TRAPPC9: variants seen among roughly 807,000 people sequenced by gnomAD.
TRAPPC9 encodes IKK2 binding protein.
In TRAPPC9, 83 loss-of-function variants were observed where a neutral mutation model predicts 124.0. The ratio of observed to expected loss-of-function variants is 0.67; its 90% CI spans 0.56 to 0.80. The LOEUF (loss-of-function observed/expected upper bound fraction) is 0.80, where lower values mean the gene tolerates loss of function less well. Ranked by LOEUF, TRAPPC9 falls within the 30% of genes least tolerant of loss-of-function variation. The probability of loss-of-function intolerance (pLI) is 0.00; values close to 1 mark genes in which losing one functional copy is unlikely to be tolerated. For missense variants in TRAPPC9, 1,302 were observed against 1,508.3 expected, an observed-to-expected ratio of 0.86 and a Z score of 2.27; for synonymous variants, 638 against 617.5, an observed-to-expected ratio of 1.03 and a Z score of -0.49.
At chr8:140,069,641 G>T (rs1373007505) in intron 17 of TRAPPC9, among the ~76,000 whole-genome samples, 1 of 152,134 alleles carries the variant, frequency 6.6e-6, no homozygotes, top group Non-Finnish European at 1.5e-5. Flanking sequence ...AATGTTTCCT[G>T]CTGATGGGTG....
At chr8:140,153,039 G>A (rs1013018308) in intron 17 of TRAPPC9, among the ~76,000 whole-genome samples, 3 of 152,068 alleles carry the variant, frequency 2.0e-5, no homozygotes, top group African/African-American at 7.2e-5. Context: ...TCCATTTAAG[G>A]AATTTCACCT....
chr8:139,792,415 C>T lies in TRAPPC9; in HGVS notation c.3056-60213G>A, dbSNP rs190204577. 3.9e-5 allele frequency among the ~76,000 whole-genome samples: 6 copies of T among 152,316 alleles called. No homozygotes were observed. The South Asian group carries it at 6.2e-4, about 16-fold the overall frequency. ...TCTGTGTGTGCCACACGCGTGTGCG[C>T]GTGTGTGCGTGGGCCTGGCTGCGTG... is the stretch of plus-strand genomic sequence containing the variant. On this transcript the variant is annotated intron_variant, in intron 21 of 22. Transcript: ENST00000438773.
intron 21 of TRAPPC9, among the ~76,000 whole-genome samples, chr8:139,777,399 G>A (rs190666029): frequency 1.2e-4 from 19 of 152,342 alleles, no homozygotes; most frequent in East Asian, 1.2e-3. Flanking sequence ...GGAACAGAGC[G>A]TGCCTGTTTA....
chr8:139,759,390 C>T (rs1291995921), intron 21 of TRAPPC9, among the ~76,000 whole-genome samples: 1 of 152,154 alleles, frequency 6.6e-6, no homozygotes, highest in East Asian at 1.9e-4. Context: ...GAGATGAGTA[C>T]TATTGCCATG....
At chr8:139,953,427 A>C (rs1487364364) in intron 19 of TRAPPC9, among the ~76,000 whole-genome samples, 2 of 152,194 alleles carry the variant, frequency 1.3e-5, no homozygotes, top group African/African-American at 2.4e-5. Flanking sequence ...CAGGAGGCAG[A>C]GTTGCAGTGA....
At chr8:139,795,926 G>A (rs1302753604) in intron 21 of TRAPPC9, among the ~76,000 whole-genome samples, 1 of 152,142 alleles carries the variant, frequency 6.6e-6, no homozygotes, top group Non-Finnish European at 1.5e-5. Flanking sequence ...CACAACACAG[G>A]AGAAGGCGGC....
At chr8:140,196,525 G>A (rs2062671774) in intron 17 of TRAPPC9, among the ~76,000 whole-genome samples, 1 of 67,572 alleles carries the variant, frequency 1.5e-5, no homozygotes, top group Admixed American at 1.8e-4. Context: ...TCACACCTGT[G>A]ACACTAAAAC....
chr8:140,078,671 T>C (rs1443232713), intron 17 of TRAPPC9, among the ~76,000 whole-genome samples: 2 of 151,958 alleles, frequency 1.3e-5, no homozygotes, highest in Non-Finnish European at 2.9e-5. Flanking sequence ...CAGCTCAGGG[T>C]TGAGAATGTG....
chr8:140,294,311 T>C (rs2065745528), intron 11 of TRAPPC9, among the ~76,000 whole-genome samples: 1 of 152,002 alleles, frequency 6.6e-6, no homozygotes, highest in Admixed American at 6.6e-5. Flanking sequence ...GAGCACAACA[T>C]GCTCCCAGCC....
At chr8:140,232,616 G>A (rs1333476031) in intron 16 of TRAPPC9, among the ~76,000 whole-genome samples, 3 of 152,156 alleles carry the variant, frequency 2.0e-5, no homozygotes, top group Non-Finnish European at 2.9e-5. Flanking sequence ...GACATTCAAC[G>A]TCACTGCGCA....
chr8:140,047,846 C>G (rs1318792030), intron 17 of TRAPPC9, among the ~76,000 whole-genome samples: 1 of 152,202 alleles, frequency 6.6e-6, no homozygotes. Context: ...GTGCACACAC[C>G]ACTTTCCATG....
chr8:140,099,788 A>C (rs1313655244), intron 17 of TRAPPC9: 1 of 150,536 alleles, frequency 6.6e-6, no homozygotes, highest in African/African-American at 2.5e-5. Context: ...CGGCTTCAGC[A>C]TCCCCGTGAC....
intron 19 of TRAPPC9, among the ~76,000 whole-genome samples, chr8:139,917,840 C>T (rs527665916): frequency 3.3e-5 from 5 of 152,352 alleles, no homozygotes; most frequent in South Asian, 4.1e-4. Context: ...CGCCTGAACT[C>T]GGGCACACAT....
Position 139,987,908 on chromosome 8 carries a change from C to T in TRAPPC9, c.2810+818G>A, listed in dbSNP as rs566878089. Among the ~76,000 whole-genome samples the T allele has an allele frequency of 3.2e-4, 49 of 152,256 alleles. 1 individual carries two copies. Among genetic ancestry groups the T allele is most frequent in the African/African-American group, 1.1e-3 (45 of 41,556 alleles). ...GCATCAGCTCCTCACTCACCTCTGCCGGGCCAGGGGTCTCCTGAGGCTGAC... is the reference window on the plus strand; with the variant it reads ...GCATCAGCTCCTCACTCACCTCTGCTGGGCCAGGGGTCTCCTGAGGCTGAC... On this transcript the variant is annotated intron_variant, in intron 19 of 22. Coordinates refer to ENST00000438773, the MANE Select transcript of TRAPPC9 (RefSeq NM_001160372.4).
chr8:140,302,791 G>A (rs541405974), intron 10 of TRAPPC9: 18 of 152,310 alleles, frequency 1.2e-4, no homozygotes, highest in African/African-American at 1.9e-4. Flanking sequence ...TGTGTATGAC[G>A]GCGTGGAGGC....
At position 139,756,610 on chromosome 8, in the gene TRAPPC9, G is replaced by C. The variant is rs868208303; in HGVS notation, c.3056-24408C>G. 1.5e-3 allele frequency among the ~76,000 whole-genome samples: 208 copies of C among 137,726 alleles called. 1 individual carries two copies. The highest frequency in any genetic ancestry group is 2.5e-3 in the Non-Finnish European group (160 of 64,380). The allele number at this position is 137,726 out of a possible 152,430, so 90.4% of individuals were successfully genotyped here. A position where few individuals can be genotyped will look rare whatever the true frequency, so the allele number is the denominator to read the frequency against. Reference sequence around the variant, plus strand: ...GGATGGGGTATAAGGACAGCGTGTCGCAGGAGAAGCCAGGGTTTGGGGATG... The same window carrying C: ...GGATGGGGTATAAGGACAGCGTGTCCCAGGAGAAGCCAGGGTTTGGGGATG... On this transcript the variant is annotated intron_variant, in intron 21 of 22. Coordinates refer to ENST00000438773, the MANE Select transcript of TRAPPC9 (RefSeq NM_001160372.4).
intron 16 of TRAPPC9, among the ~76,000 whole-genome samples, chr8:140,251,284 G>A (rs768297098): frequency 6.6e-6 from 1 of 151,954 alleles, no homozygotes; most frequent in Non-Finnish European, 1.5e-5. Context: ...CCCTTCTTGG[G>A]AAGAAGAAGT....
chr8:140,318,840 C>G (rs1450690216), intron 9 of TRAPPC9, among the ~76,000 whole-genome samples: 1 of 152,174 alleles, frequency 6.6e-6, no homozygotes, highest in Non-Finnish European at 1.5e-5. Flanking sequence ...CATGGTCATA[C>G]AGAGGAACAG....
At chr8:139,737,808 G>C (rs1818299239) in intron 21 of TRAPPC9, among the ~76,000 whole-genome samples, 1 of 152,208 alleles carries the variant, frequency 6.6e-6, no homozygotes, top group Non-Finnish European at 1.5e-5. Flanking sequence ...ACCACGTCAA[G>C]TGGGGTTTTG....
Sources: allele counts gnomAD v4.1 joint callset (sites outside exome capture counted in the v4.1 genomes callset), GRCh38; gene constraint gnomAD v4.1.1; transcripts MANE v1.5; gene names NCBI Gene and HGNC (gene_info 2026-07-23, HGNC 2026-07-21).